The following ITPR1 variants were observed in gnomAD, a reference collection of about 807,000 sequenced individuals.
ITPR1 encodes the protein inositol 1,4,5-trisphosphate-gated calcium channel ITPR1.
A neutral mutation model predicts 318.4 loss-of-function variants in ITPR1; 96 were observed. The observed-to-expected ratio is 0.30, with a 90% CI of 0.26 to 0.36. The LOEUF (loss-of-function observed/expected upper bound fraction) is 0.36, where lower values mean the gene tolerates loss of function less well. Among genes scored for constraint, ITPR1 ranks in the 10% least tolerant of loss-of-function variants. ITPR1 has a pLI of 1.00. For synonymous variants in ITPR1, 1,312 were observed against 1,289.9 expected (o/e 1.02, Z -0.37); for missense variants, 2,440 against 3,460.2 (o/e 0.71, Z 7.40).
chr3:4,803,093 G>A (rs749729776), intron 54 of ITPR1, among the ~76,000 whole-genome samples: 2 of 152,302 alleles, frequency 1.3e-5, no homozygotes, highest in African/African-American at 2.4e-5. Flanking sequence ...CACTCATGGC[G>A]GAGTAAAAGC....
chr3:4,639,613 T>C (rs2093289305), intron 6 of ITPR1, 143 bp downstream of exon 6: 1 of 658,520 alleles, frequency 1.5e-6, no homozygotes, highest in East Asian at 2.8e-5. Flanking sequence ...AGTCTAGTGT[T>C]TCTTGTTAGA....
At position 4,686,734 on chromosome 3, in the gene ITPR1, T is replaced by C. The variant is rs554403950; in HGVS notation, c.3702+1528T>C. Reference sequence around the variant, plus strand: ...GGTAATCTCTTGTGACTTGATGTCTTTGGGGCTTGCTTTCCTTGGAAAAAT... The same window carrying C: ...GGTAATCTCTTGTGACTTGATGTCTCTGGGGCTTGCTTTCCTTGGAAAAAT... On this transcript the variant is annotated intron_variant, in intron 30 of 61. Transcript: ENST00000649015. Among the ~76,000 whole-genome samples the C allele has an allele frequency of 4.1e-4, 63 of 152,344 alleles. 1 individual carries two copies. The South Asian group carries it at 4.6e-3, about 11-fold the overall frequency.
At chr3:4,563,989 T>C (rs1375876226) in intron 4 of ITPR1, among the ~76,000 whole-genome samples, 2 of 151,954 alleles carry the variant, frequency 1.3e-5, no homozygotes, top group Non-Finnish European at 2.9e-5. Context: ...TCACCCAGAC[T>C]GGAGTGTAGT....
At chr3:4,840,476 G>GTTGT (rs796940137) in intron 61 of ITPR1, among the ~76,000 whole-genome samples, 1 of 152,070 alleles carries the variant, frequency 6.6e-6, no homozygotes, top group African/African-American at 2.4e-5. Context: ...TGTTGTTGTT[G>GTTGT]TTGTTTGTTT....
intron 19 of ITPR1, 84 bp from the exon 20 acceptor site, chr3:4,670,645 C>A: frequency 9.8e-7 from 1 of 1,015,782 alleles, no homozygotes; most frequent in Non-Finnish European, 1.5e-6. Context: ...AGTGTCTTTC[C>A]ATGTGTCTTT....
At chr3:4,684,920 C>T (rs1302411765) in intron 29 of ITPR1, 149 bp from the exon 30 acceptor site, 1 of 704,002 alleles carries the variant, frequency 1.4e-6, no homozygotes, top group African/African-American at 1.8e-5. Flanking sequence ...TTGATGGAGT[C>T]AACAGAAATG....
At chr3:4,828,914 A>G (rs907181335) in intron 60 of ITPR1, among the ~76,000 whole-genome samples, 5 of 152,210 alleles carry the variant, frequency 3.3e-5, no homozygotes, top group Admixed American at 6.5e-5. Context: ...TAGCTGGTAA[A>G]AAGAGAAATC....
At chr3:4,805,255 A>C (rs764447037) in intron 54 of ITPR1, among the ~76,000 whole-genome samples, 1 of 152,194 alleles carries the variant, frequency 6.6e-6, no homozygotes, top group Non-Finnish European at 1.5e-5. Context: ...CTGTGTCCCC[A>C]GTGCTGGTGG....
At chr3:4,721,304 C>T (rs139354026) in intron 40 of ITPR1, among the ~76,000 whole-genome samples, 167 of 151,640 alleles carry the variant, frequency 1.1e-3, no homozygotes, top group African/African-American at 3.9e-3. Flanking sequence ...TTCTGATGAG[C>T]TTGTCCTATA....
At chr3:4,566,708 C>A (rs886702688) in intron 4 of ITPR1, among the ~76,000 whole-genome samples, 3 of 151,994 alleles carry the variant, frequency 2.0e-5, no homozygotes, top group Non-Finnish European at 4.4e-5. Context: ...AATGCAGATT[C>A]TTTCCTCCAC....
intron 50 of ITPR1, 144 bp from the exon 51 acceptor site, chr3:4,783,672 G>T: frequency 1.4e-6 from 1 of 693,450 alleles, no homozygotes. Flanking sequence ...GCCGTGATGG[G>T]ATGGAGCAAG....
intron 34 of ITPR1, among the ~76,000 whole-genome samples, 183 bp downstream of exon 34, chr3:4,697,455 C>CTTTTTTTCTTTT (rs2094578364): frequency 1.2e-5 from 1 of 86,784 alleles, no homozygotes; most frequent in African/African-American, 4.3e-5. Flanking sequence ...TCCTTTCTTC[C>CTTTTTTTCTTTT]TTTTTTTTTT....
chr3:4,631,992 A>AT (rs2093029906), intron 5 of ITPR1, among the ~76,000 whole-genome samples: 1 of 152,240 alleles, frequency 6.6e-6, no homozygotes, highest in Admixed American at 6.5e-5. Context: ...CCAGCTGGAC[A>AT]TACAATTGTA....
At chr3:4,554,089 T>C (rs2085872162) in intron 4 of ITPR1, among the ~76,000 whole-genome samples, 1 of 152,268 alleles carries the variant, frequency 6.6e-6, no homozygotes, top group Non-Finnish European at 1.5e-5. Flanking sequence ...GGTATCTTAC[T>C]ACACTAAATG....
chr3:4,727,600 G>C (rs933988413), intron 42 of ITPR1, among the ~76,000 whole-genome samples: 2 of 152,178 alleles, frequency 1.3e-5, no homozygotes, highest in Non-Finnish European at 2.9e-5. Flanking sequence ...TTTAGAGACA[G>C]ATATTACTCT....
chr3:4,756,472 C>A (rs552448005), intron 44 of ITPR1, among the ~76,000 whole-genome samples: 1 of 152,250 alleles, frequency 6.6e-6, no homozygotes, highest in East Asian at 1.9e-4. Context: ...CTGCTCCTCT[C>A]CCTCCTCCCA....
chr3:4,634,823 C>G (rs549584266), intron 5 of ITPR1, among the ~76,000 whole-genome samples: 4 of 152,344 alleles, frequency 2.6e-5, no homozygotes, highest in African/African-American at 9.6e-5. Flanking sequence ...ACTGCAACCT[C>G]CACCTCCTGG....
intron 23 of ITPR1, among the ~76,000 whole-genome samples, chr3:4,675,778 T>C (rs937227078): frequency 2.0e-5 from 3 of 152,246 alleles, no homozygotes; most frequent in Admixed American, 2.0e-4. Flanking sequence ...CAGATATTGG[T>C]ATCATGTATC....
intron 60 of ITPR1, among the ~76,000 whole-genome samples, chr3:4,822,924 C>G (rs538439079): frequency 3.8e-4 from 58 of 152,330 alleles, no homozygotes; most frequent in African/African-American, 1.3e-3. Flanking sequence ...CCTGCGGGAA[C>G]TTGAATTTTG....
Sources: gnomAD v4.1 joint callset for allele counts (sites outside exome capture counted in the v4.1 genomes callset) on GRCh38, gnomAD v4.1.1 for gene constraint, MANE v1.5 for transcripts, NCBI Gene and HGNC (gene_info 2026-07-23, HGNC 2026-07-21) for gene names.